Variants in INTS9 observed in about 807,000 individuals in gnomAD.
INTS9 encodes integrator complex subunit 9.
Under a neutral mutation model 79.7 loss-of-function variants are expected in INTS9, and 55 were observed. The observed-to-expected ratio is 0.69, with a 90% CI of 0.56 to 0.86. INTS9 has a LOEUF of 0.86. Ranked by LOEUF, INTS9 falls within the 40% of genes least tolerant of loss-of-function variation. The pLI is 0.00. For missense variants in INTS9, 721 were observed against 831.5 expected, an observed-to-expected ratio of 0.87 and a Z score of 1.64; for synonymous variants, 319 against 325.2, an observed-to-expected ratio of 0.98 and a Z score of 0.20.
chr8:28,867,008 C>T (rs1315877780), intron 1 of INTS9, among the ~76,000 whole-genome samples: 1 of 151,866 alleles, frequency 6.6e-6, no homozygotes, highest in Non-Finnish European at 1.5e-5. Context: ...GCTTTCCAGC[C>T]AGGCGTGGTG....
At chr8:28,880,495 G>T (rs1481168986) in intron 1 of INTS9, among the ~76,000 whole-genome samples, 1 of 151,960 alleles carries the variant, frequency 6.6e-6, no homozygotes, top group South Asian at 2.1e-4. Flanking sequence ...TCCTAACCGC[G>T]AGTGATCCGC....
intron 6 of INTS9, among the ~76,000 whole-genome samples, chr8:28,821,032 C>T (rs1439090295): frequency 6.6e-6 from 1 of 152,208 alleles, no homozygotes; most frequent in African/African-American, 2.4e-5. Context: ...TAAAATTCCA[C>T]TTCCCATTGC....
chr8:28,850,126 G>C, intron 3 of INTS9, 87 bp downstream of exon 3: 1 of 971,918 alleles, frequency 1.0e-6, no homozygotes. Flanking sequence ...AAAGCCATCA[G>C]TCACACTACT....
At chr8:28,795,144 T>G (rs774765545) in intron 9 of INTS9, among the ~76,000 whole-genome samples, 2 of 152,220 alleles carry the variant, frequency 1.3e-5, no homozygotes, top group Non-Finnish European at 2.9e-5. Context: ...GTAATATCAC[T>G]TAAAGTTGCT....
At chr8:28,813,730 T>G (rs7841719) in intron 6 of INTS9, 118 bp from the exon 7 acceptor site, 192,056 of 1,083,378 alleles carry the variant, frequency 0.18, 19,773 homozygotes, top group East Asian at 0.48. Flanking sequence ...ATATAATTGT[T>G]CATAGGATTC....
chr8:28,887,513 T>C (rs1446288322), intron 1 of INTS9, among the ~76,000 whole-genome samples: 1 of 152,182 alleles, frequency 6.6e-6, no homozygotes, highest in Non-Finnish European at 1.5e-5. Flanking sequence ...GGAAAGTGAA[T>C]CTCAAAAATG....
chr8:28,870,164 CAT>C lies in INTS9; in HGVS notation c.10-10603_10-10602del, dbSNP rs775362239. On this transcript the variant is annotated intron_variant, in intron 1 of 16. Transcript: ENST00000521022. ...GAACTATATATGTGACTGTTTGTTA[CAT>C]ATATATATATGTATGTATAAAAGAC... Among the ~76,000 whole-genome samples the C allele has an allele frequency of 9.2e-5, 14 of 151,554 alleles. No homozygotes were observed. The South Asian group carries it at 1.0e-3, about 11-fold the overall frequency.
intron 14 of INTS9, among the ~76,000 whole-genome samples, chr8:28,772,332 G>A (rs896969520): frequency 4.6e-5 from 7 of 152,112 alleles, no homozygotes; most frequent in Non-Finnish European, 8.8e-5. Context: ...TGGCCAATAT[G>A]GTGAAACCCC....
At chr8:28,808,224 C>T (rs895307535) in intron 8 of INTS9, among the ~76,000 whole-genome samples, 1 of 149,422 alleles carries the variant, frequency 6.7e-6, no homozygotes, top group East Asian at 2.0e-4. Flanking sequence ...GACGGAGTCT[C>T]TCTCTGTTGC....
At position 28,775,743 on chromosome 8, in the gene INTS9, AAGG is replaced by A. The variant is rs1191693852; in HGVS notation, c.1563+13_1563+15del. 1.9e-6 allele frequency: 3 copies of A among 1,613,600 alleles called. No homozygotes were observed. Among genetic ancestry groups the A allele is most frequent in the African/African-American group, 1.3e-5 (1 of 74,896 alleles). The stretch of plus-strand genomic sequence containing the variant: ...TGGAAAGCTCTAGTTTAACCCTAGG[AAGG>A]AGAACAGCTCACCTCTGGCATGATC... On this transcript the variant is annotated intron_variant, in intron 14 of 16. Coordinates refer to ENST00000521022, the MANE Select transcript of INTS9 (RefSeq NM_018250.4).
chr8:28,877,901 C>A (rs1809482191), intron 1 of INTS9, among the ~76,000 whole-genome samples: 1 of 152,052 alleles, frequency 6.6e-6, no homozygotes, highest in Admixed American at 6.6e-5. Context: ...ATGCTTCCTA[C>A]AAGCAACGAA....
rs750213826 is a variant in INTS9 at position 28,769,972 on chromosome 8, C to A, written c.1717G>T (p.Asp573Tyr). ...TSGKKRKRVS[D>Y]DVPDCKVLKP... ...AGGACTTTGCAGTCTGGTACGTCATCGCTCACCCGCTTTCTCTTCTTCCCG... is the reference window on the plus strand; with the variant it reads ...AGGACTTTGCAGTCTGGTACGTCATAGCTCACCCGCTTTCTCTTCTTCCCG... The change falls in exon 16 of 17, where the codon GAT (aspartate) becomes TAT (tyrosine). Residue 573 changes from aspartate (D) to tyrosine (Y), a missense_variant. Coordinates refer to ENST00000521022, the MANE Select transcript of INTS9 (RefSeq NM_018250.4). 2.5e-6 allele frequency: 4 copies of A among 1,614,072 alleles called. No individual in the cohort carries two copies. The highest frequency in any genetic ancestry group is 2.5e-6 in the Non-Finnish European group (3 of 1,180,052).
intron 6 of INTS9, 198 bp from the exon 7 acceptor site, chr8:28,813,810 G>T: frequency 2.0e-6 from 1 of 511,522 alleles, no homozygotes; most frequent in Non-Finnish European, 3.3e-6. Context: ...CACCAGGCTG[G>T]AGTGCTATGG....
intron 14 of INTS9, among the ~76,000 whole-genome samples, chr8:28,771,393 C>T: frequency 6.6e-6 from 1 of 152,088 alleles, no homozygotes; most frequent in East Asian, 1.9e-4. Flanking sequence ...ATGGTGGGAG[C>T]CACGGCTTTA....
intron 4 of INTS9, among the ~76,000 whole-genome samples, chr8:28,839,260 A>T (rs1807011346): frequency 6.6e-6 from 1 of 152,170 alleles, no homozygotes. Context: ...TTCAAGGAGA[A>T]CTACAAACCA....
At chr8:28,787,643 G>T (rs1389365796) in intron 11 of INTS9, among the ~76,000 whole-genome samples, 186 bp downstream of exon 11, 1 of 152,216 alleles carries the variant, frequency 6.6e-6, no homozygotes, top group Non-Finnish European at 1.5e-5. Flanking sequence ...GTGCGCAATA[G>T]AAAGTGTTAA....
intron 4 of INTS9, among the ~76,000 whole-genome samples, chr8:28,840,967 A>C (rs1240139629): frequency 6.6e-6 from 1 of 152,002 alleles, no homozygotes; most frequent in South Asian, 2.1e-4. Flanking sequence ...AGTAAAAAAA[A>C]AAAGAAAGAA....
chr8:28,816,921 T>C (rs13272126), intron 6 of INTS9, among the ~76,000 whole-genome samples: 27,942 of 150,376 alleles, frequency 0.19, 2,505 homozygotes, highest in East Asian at 0.44. Flanking sequence ...TGAGCATTTT[T>C]TCATGTGTTT....
chr8:28,820,963 A>T (rs559074746), intron 6 of INTS9, among the ~76,000 whole-genome samples: 1 of 152,356 alleles, frequency 6.6e-6, no homozygotes, highest in East Asian at 1.9e-4. Flanking sequence ...TCCAAAGAGT[A>T]CTAGAAACAA....
Sources: gnomAD v4.1 joint callset for allele counts (sites outside exome capture counted in the v4.1 genomes callset) on GRCh38, gnomAD v4.1.1 for gene constraint, MANE v1.5 for transcripts, NCBI Gene and HGNC (gene_info 2026-07-23, HGNC 2026-07-21) for gene names.